TOPAZ1: variants seen among roughly 807,000 people sequenced by gnomAD.
TOPAZ1 encodes protein TOPAZ1.
Under a neutral mutation model 172.2 loss-of-function variants are expected in TOPAZ1, and 66 were observed. The ratio of observed to expected loss-of-function variants is 0.38; its 90% confidence interval spans 0.31 to 0.47. The LOEUF (loss-of-function observed/expected upper bound fraction) is 0.47, where lower values mean the gene tolerates loss of function less well. Among genes scored for constraint, TOPAZ1 ranks in the 20% least tolerant of loss-of-function variants. The pLI is 0.99. For missense variants in TOPAZ1, 1,822 were observed against 1,972.4 expected, an observed-to-expected ratio of 0.92 and a Z score of 1.44; for synonymous variants, 681 against 683.9, an observed-to-expected ratio of 1.00 and a Z score of 0.07.
intron 2 of TOPAZ1, among the ~76,000 whole-genome samples, chr3:44,254,657 G>A (rs1699675029): frequency 1.4e-5 from 2 of 147,054 alleles, no homozygotes; most frequent in Admixed American, 1.4e-4. Flanking sequence ...AAGAGTAGAA[G>A]TTAAACACTA....
intron 16 of TOPAZ1, among the ~76,000 whole-genome samples, chr3:44,311,730 A>G (rs1700399539): frequency 6.6e-6 from 1 of 152,202 alleles, no homozygotes; most frequent in African/African-American, 2.4e-5. Flanking sequence ...AAAGGGCTCT[A>G]TAGTGAACAG....
At chr3:44,250,059 C>T (rs1383476103) in intron 2 of TOPAZ1, among the ~76,000 whole-genome samples, 3 of 152,146 alleles carry the variant, frequency 2.0e-5, no homozygotes, top group Admixed American at 2.0e-4. Flanking sequence ...AAAATAAAAG[C>T]CTACCACTTT....
At chr3:44,298,718 AC>A (rs1456350449) in intron 12 of TOPAZ1, among the ~76,000 whole-genome samples, 3 of 150,314 alleles carry the variant, frequency 2.0e-5, no homozygotes, top group Non-Finnish European at 4.4e-5. Context: ...TAGTAAAAAA[AC>A]AAAAACTTTG....
chr3:44,310,108 T>C, intron 16 of TOPAZ1, 118 bp downstream of exon 16: 1 of 879,848 alleles, frequency 1.1e-6, no homozygotes, highest in Non-Finnish European at 1.7e-6. Flanking sequence ...TAAACCCTAG[T>C]GAACATGTGG....
At chr3:44,317,984 CTT>C (rs1700468763) in intron 16 of TOPAZ1, among the ~76,000 whole-genome samples, 1 of 151,948 alleles carries the variant, frequency 6.6e-6, no homozygotes, top group African/African-American at 2.4e-5. Flanking sequence ...TTTTTTTCTT[CTT>C]AAAAACAGAG....
chr3:44,261,490 T>C (rs1205033509), intron 4 of TOPAZ1, among the ~76,000 whole-genome samples: 1 of 152,154 alleles, frequency 6.6e-6, no homozygotes, highest in Admixed American at 6.5e-5. Flanking sequence ...ATTCCTGGGC[T>C]GTCTATTCTG....
At chr3:44,245,908 AATT>A (rs1699559763) in intron 2 of TOPAZ1, among the ~76,000 whole-genome samples, 1 of 152,202 alleles carries the variant, frequency 6.6e-6, no homozygotes, top group Non-Finnish European at 1.5e-5. Context: ...AATGTTCTTT[AATT>A]ATTATAAATA....
intron 8 of TOPAZ1, among the ~76,000 whole-genome samples, chr3:44,280,461 C>G (rs1016508779): frequency 5.3e-5 from 8 of 151,938 alleles, no homozygotes; most frequent in Non-Finnish European, 1.0e-4. Context: ...GTGATCCTCC[C>G]ACCTCAGCCT....
intron 18 of TOPAZ1, among the ~76,000 whole-genome samples, chr3:44,326,521 C>G (rs1700602694): frequency 6.6e-6 from 1 of 151,748 alleles, no homozygotes; most frequent in South Asian, 2.1e-4. Flanking sequence ...TAAGAGTATT[C>G]ATACATACAT....
At chr3:44,295,237 C>G (rs1267298210) in intron 12 of TOPAZ1, among the ~76,000 whole-genome samples, 1 of 152,142 alleles carries the variant, frequency 6.6e-6, no homozygotes, top group Non-Finnish European at 1.5e-5. Context: ...TCTATCAATA[C>G]AAACATATGC....
At chr3:44,332,520 T>G (rs1700681853), downstream of TOPAZ1, among the ~76,000 whole-genome samples, 1 of 152,132 alleles carries the variant, frequency 6.6e-6, no homozygotes, top group Admixed American at 6.6e-5. Context: ...TAGTTTTCCT[T>G]TAGTGTATCT....
At chr3:44,275,065 C>T (rs1559533834) in intron 8 of TOPAZ1, among the ~76,000 whole-genome samples, 1 of 151,798 alleles carries the variant, frequency 6.6e-6, no homozygotes, top group Non-Finnish European at 1.5e-5. Flanking sequence ...TACATCCATA[C>T]AGTTTACATG....
downstream of TOPAZ1, among the ~76,000 whole-genome samples, chr3:44,333,930 G>A (rs2125709245): frequency 6.6e-6 from 1 of 152,304 alleles, no homozygotes. Flanking sequence ...TATTTATAGA[G>A]CTTAAAGCAG....
At chr3:44,292,706 C>T (rs966813759) in intron 12 of TOPAZ1, among the ~76,000 whole-genome samples, 1 of 152,090 alleles carries the variant, frequency 6.6e-6, no homozygotes, top group Admixed American at 6.5e-5. Context: ...TGAGTTTTAA[C>T]GATACATGTA....
At chr3:44,262,182 C>T (rs1205534886) in intron 4 of TOPAZ1, among the ~76,000 whole-genome samples, 1 of 152,064 alleles carries the variant, frequency 6.6e-6, no homozygotes, top group East Asian at 1.9e-4. Flanking sequence ...AAGGGGATAT[C>T]AAAACCTGGA....
At chr3:44,331,043 T>TA (rs1401821013) in intron 19 of TOPAZ1, among the ~76,000 whole-genome samples, 2 of 152,230 alleles carry the variant, frequency 1.3e-5, no homozygotes, top group Non-Finnish European at 2.9e-5. Flanking sequence ...AATATCAAAG[T>TA]AAAACTTAAC....
Position 44,331,773 on chromosome 3 carries a change from T to G in TOPAZ1, c.4860-19T>G. 66 of 1,523,852 alleles carry G rather than the reference T, an allele frequency of 4.3e-5. No homozygotes were observed. The highest frequency in any genetic ancestry group is 5.6e-5 in the Non-Finnish European group (63 of 1,122,036). 94.4% of individuals were successfully genotyped at this position (1,523,852 alleles called of 1,614,324 possible). On this transcript the variant is annotated intron_variant, in intron 19 of 19. Coordinates refer to ENST00000309765, the MANE Select transcript of TOPAZ1 (RefSeq NM_001145030.2). ...GCTTTTTTAAGAGTTTCTGACTTTA[T>G]GAGGTGTTCATTTTATAGGTGTGAA...
intron 2 of TOPAZ1, among the ~76,000 whole-genome samples, chr3:44,246,457 A>C (rs532351203): frequency 1.3e-5 from 2 of 152,100 alleles, no homozygotes; most frequent in Non-Finnish European, 2.9e-5. Flanking sequence ...GTGGTATCAT[A>C]CTCTTCTTGA....
chr3:44,258,488 C>T (rs1474571937), intron 4 of TOPAZ1, among the ~76,000 whole-genome samples: 1 of 152,172 alleles, frequency 6.6e-6, no homozygotes, highest in Non-Finnish European at 1.5e-5. Flanking sequence ...CCCTGGACAA[C>T]CACATATCTG....
Sources: allele counts gnomAD v4.1 joint callset (sites outside exome capture counted in the v4.1 genomes callset), GRCh38; gene constraint gnomAD v4.1.1; transcripts MANE v1.5; gene names NCBI Gene and HGNC (gene_info 2026-07-23, HGNC 2026-07-21).